Variants in SPIRE1 observed in about 807,000 individuals in gnomAD.
SPIRE1 encodes spire type actin nucleation factor 1.
Under a neutral mutation model 94.1 loss-of-function variants are expected in SPIRE1, and 40 were observed. The ratio of observed to expected loss-of-function variants is 0.43; its 90% CI spans 0.33 to 0.55. The LOEUF is 0.55. Ranked by LOEUF, SPIRE1 falls within the 20% of genes least tolerant of loss-of-function variation. The pLI, the probability that SPIRE1 is intolerant of heterozygous loss-of-function variation, is 0.06. For synonymous variants in SPIRE1, 376 were observed against 371.7 expected (o/e 1.01, Z -0.13); for missense variants, 838 against 975.2 (o/e 0.86, Z 1.87).
At chr18:12,615,745 C>G (rs58135011) in intron 2 of SPIRE1, among the ~76,000 whole-genome samples, 24,575 of 151,796 alleles carry the variant, frequency 0.16, 2,136 homozygotes, top group Admixed American at 0.24. Flanking sequence ...ATCAATTGTA[C>G]ACAAACCAAA....
At chr18:12,472,355 C>T (rs925180683) in intron 10 of SPIRE1, among the ~76,000 whole-genome samples, 1 of 151,556 alleles carries the variant, frequency 6.6e-6, no homozygotes, top group Non-Finnish European at 1.5e-5. Flanking sequence ...TATAGCGACA[C>T]CATGCCCTGT....
chr18:12,526,125 C>G (rs555831128), intron 4 of SPIRE1, among the ~76,000 whole-genome samples: 4 of 138,198 alleles, frequency 2.9e-5, no homozygotes, highest in Admixed American at 7.2e-5. Flanking sequence ...GAAAGCCATT[C>G]AGAGCATGGG....
intron 2 of SPIRE1, among the ~76,000 whole-genome samples, chr18:12,591,389 G>C (rs1379477580): frequency 1.3e-5 from 2 of 152,204 alleles, no homozygotes; most frequent in African/African-American, 2.4e-5. Flanking sequence ...AGGTCACACA[G>C]GGCCTTGCTG....
intron 2 of SPIRE1, among the ~76,000 whole-genome samples, chr18:12,583,694 G>A (rs1249591756): frequency 3.3e-5 from 5 of 152,056 alleles, no homozygotes; most frequent in African/African-American, 1.2e-4. Flanking sequence ...GGAGGCTGAG[G>A]TGAGCAGACT....
chr18:12,520,640 C>G (rs1239945554), intron 4 of SPIRE1, among the ~76,000 whole-genome samples: 3 of 152,126 alleles, frequency 2.0e-5, no homozygotes, highest in African/African-American at 7.2e-5. Context: ...CTCATTAAAA[C>G]GAACACATGG....
chr18:12,588,932 G>A (rs886248302), intron 2 of SPIRE1, among the ~76,000 whole-genome samples: 2 of 152,124 alleles, frequency 1.3e-5, no homozygotes, highest in South Asian at 2.1e-4. Context: ...CTTGGATTCC[G>A]TGTGGTCAGA....
intron 16 of SPIRE1, chr18:12,450,830 A>G (rs1316297757): frequency 1.4e-6 from 1 of 735,446 alleles, no homozygotes; most frequent in East Asian, 2.5e-5. Flanking sequence ...GCTGGGTGAG[A>G]TGCGGAATAA....
chr18:12,594,351 A>G (rs905173419), intron 2 of SPIRE1, among the ~76,000 whole-genome samples: 1 of 152,214 alleles, frequency 6.6e-6, no homozygotes, highest in Non-Finnish European at 1.5e-5. Context: ...TTAAATAATA[A>G]TGTCCATTAT....
intron 2 of SPIRE1, among the ~76,000 whole-genome samples, chr18:12,617,924 C>T (rs2037357442): frequency 6.6e-6 from 1 of 151,968 alleles, no homozygotes; most frequent in Non-Finnish European, 1.5e-5. Flanking sequence ...AACCGTGTTG[C>T]CTATGCTTAG....
In SPIRE1 at chr18:12,499,510, C is replaced by CA. The variant is rs35756331; in HGVS notation, c.973-3409dup. On this transcript the variant is annotated intron_variant, in intron 6 of 16. Coordinates refer to ENST00000409402, the MANE Select transcript of SPIRE1 (RefSeq NM_001128626.2). ...TCAGAATCGATTTTTCCATTTCTGC[C>CA]AAAAAAAAAAAAGTCACTGGAATTC... Among the ~76,000 whole-genome samples, 582 of 140,560 alleles carry CA rather than the reference C, an allele frequency of 4.1e-3. 1 individual carries two copies. Among genetic ancestry groups the CA allele is most frequent in the African/African-American group, 0.013 (494 of 38,056 alleles). The allele number at this position is 140,560 out of a possible 152,430, so 92.2% of individuals were successfully genotyped here. A position where few individuals can be genotyped will look rare whatever the true frequency, so the allele number is the denominator to read the frequency against.
chr18:12,493,818 T>C (rs2033332933), intron 7 of SPIRE1, among the ~76,000 whole-genome samples: 1 of 152,228 alleles, frequency 6.6e-6, no homozygotes, highest in Admixed American at 6.5e-5. Flanking sequence ...TAAGCAGTTA[T>C]AATTATGTTC....
chr18:12,654,265 AG>A (rs1348469456), intron 1 of SPIRE1, among the ~76,000 whole-genome samples: 1 of 143,272 alleles, frequency 7.0e-6, no homozygotes, highest in Non-Finnish European at 1.5e-5. Context: ...TGAACCCTGG[AG>A]GCGGAGGTTG....
At chr18:12,626,886 A>ATATATATATATTTT (rs55915333) in intron 2 of SPIRE1, among the ~76,000 whole-genome samples, 2 of 111,892 alleles carry the variant, frequency 1.8e-5, no homozygotes, top group Non-Finnish European at 3.7e-5. Flanking sequence ...ATATATATAT[A>ATATATATATATTTT]TTTTTTTTTT....
upstream of SPIRE1, chr18:12,658,530 C>G (rs889118720): frequency 4.3e-6 from 2 of 467,322 alleles, no homozygotes; most frequent in Non-Finnish European, 8.9e-6. Context: ...CCCGGGTCAC[C>G]GCCCTGCACA....
chr18:12,557,141 C>G (rs1039325640), intron 2 of SPIRE1, among the ~76,000 whole-genome samples: 1 of 152,222 alleles, frequency 6.6e-6, no homozygotes, highest in South Asian at 2.1e-4. Context: ...CTGCGCCACA[C>G]GCCCGCACTC....
chr18:12,629,341 CAAAAGTAAGATTAT>C (rs2037714527), intron 2 of SPIRE1, among the ~76,000 whole-genome samples: 1 of 152,102 alleles, frequency 6.6e-6, no homozygotes. Context: ...CAATTTTCTT[CAAAAGTAAGATTAT>C]AATCCACAAA....
rs2032668750 is a variant in SPIRE1, at chr18:12,477,922, G to C, written c.1404+1777C>G. 1.3e-5 allele frequency among the ~76,000 whole-genome samples: 2 copies of C among 152,080 alleles called. 1 individual carries two copies. Among genetic ancestry groups the C allele is most frequent in the Admixed American group, 1.3e-4 (2 of 15,262 alleles). On this transcript the variant is annotated intron_variant, in intron 10 of 16. Coordinates refer to ENST00000409402, the MANE Select transcript of SPIRE1 (RefSeq NM_001128626.2). The stretch of plus-strand genomic sequence containing the variant: ...GATCAGGGGATGCAAATTTTATTCT[G>C]TAAGTGCCAGGGAGCCTTCCGAAGG...
intron 8 of SPIRE1, among the ~76,000 whole-genome samples, chr18:12,488,042 C>T (rs1386713925): frequency 6.6e-6 from 1 of 152,154 alleles, no homozygotes; most frequent in African/African-American, 2.4e-5. Context: ...ATCCATTGGC[C>T]ATTCTTCCCT....
At chr18:12,592,013 G>GA (rs556289869) in intron 2 of SPIRE1, among the ~76,000 whole-genome samples, 3 of 149,328 alleles carry the variant, frequency 2.0e-5, no homozygotes, top group Admixed American at 1.3e-4. Context: ...GGTTTGGGGG[G>GA]AAAAAATCAG....
Sources: allele counts gnomAD v4.1 joint callset (sites outside exome capture counted in the v4.1 genomes callset), GRCh38; gene constraint gnomAD v4.1.1; transcripts MANE v1.5; gene names NCBI Gene and HGNC (gene_info 2026-07-23, HGNC 2026-07-21).